Variants in KIF21A observed in about 807,000 individuals in gnomAD.
KIF21A encodes kinesin-like protein KIF21A.
Under a neutral mutation model 202.9 loss-of-function variants are expected in KIF21A, and 114 were observed. The observed-to-expected ratio is 0.56, with a 90% CI of 0.48 to 0.66. KIF21A has a LOEUF of 0.66. Among genes scored for constraint, KIF21A ranks in the 30% least tolerant of loss-of-function variants. The pLI, the probability that KIF21A is intolerant of heterozygous loss-of-function variation, is 0.00. For missense variants in KIF21A, 1,677 were observed against 1,994.9 expected (o/e 0.84, Z 3.04); for synonymous variants, 667 against 670.8 (o/e 0.99, Z 0.09).
chr12:39,366,546 C>T (rs1307399653), intron 5 of KIF21A, 29 bp from the exon 6 acceptor site: 1 of 1,480,694 alleles, frequency 6.8e-7, no homozygotes, highest in Admixed American at 1.8e-5. Context: ...ATTGAAAATA[C>T]TTTATTAATG....
chr12:39,339,956 A>G (rs1947309830), intron 16 of KIF21A, among the ~76,000 whole-genome samples: 1 of 152,218 alleles, frequency 6.6e-6, no homozygotes, highest in South Asian at 2.1e-4. Context: ...AGCCCTGATG[A>G]GCACATGATT....
intron 1 of KIF21A, among the ~76,000 whole-genome samples, chr12:39,382,873 C>T (rs1016349543): frequency 6.6e-6 from 1 of 152,198 alleles, no homozygotes; most frequent in Admixed American, 6.5e-5. Context: ...TTTGCTTCAA[C>T]CTTTTTTTTA....
Position 39,375,250 on chromosome 12 carries a change from A to G in KIF21A, c.45-4989T>C, listed in dbSNP as rs544781274. Among the ~76,000 whole-genome samples, 26 of 152,306 alleles carry G rather than the reference A, an allele frequency of 1.7e-4. No homozygotes were observed. In the South Asian group the frequency reaches 4.3e-3, roughly 25 times the overall value. ...TTTAAAATAAAGTATTTTGGGGGAAAGGCTTATACTTGCTACCTTTTCAAC... is the reference window on the plus strand; with the variant it reads ...TTTAAAATAAAGTATTTTGGGGGAAGGGCTTATACTTGCTACCTTTTCAAC... On this transcript the variant is annotated intron_variant, in intron 1 of 37. Coordinates refer to ENST00000361418, the MANE Select transcript of KIF21A (RefSeq NM_001173464.2).
At chr12:39,332,770 T>C in intron 19 of KIF21A, 26 bp from the exon 20 acceptor site, 1 of 1,613,146 alleles carries the variant, frequency 6.2e-7, no homozygotes, top group Non-Finnish European at 8.5e-7. Flanking sequence ...ACAGACAAGC[T>C]CAATTACTTA....
At chr12:39,338,521 T>G (rs1251195188) in intron 16 of KIF21A, among the ~76,000 whole-genome samples, 1 of 152,246 alleles carries the variant, frequency 6.6e-6, no homozygotes. Flanking sequence ...AGCTATGTCC[T>G]AGGACTTCAC....
chr12:39,421,624 T>G (rs1335854571), intron 1 of KIF21A, among the ~76,000 whole-genome samples: 1 of 151,148 alleles, frequency 6.6e-6, no homozygotes. Flanking sequence ...ACCCAGGAGG[T>G]GGAGGTTGCA....
At position 39,416,826 on chromosome 12, in the gene KIF21A, CATATATGTGTATATATAGATATGTACAT is replaced by C. The variant is rs1566271793; in HGVS notation, c.44+26073_44+26100del. Reference sequence around the variant, plus strand: ...ACATATATATGTGTGTATATATGTACATATATGTGTATATATAGATATGTACATATATATGTGTATATATAGATATGTA... The same window carrying C: ...ACATATATATGTGTGTATATATGTACATATATGTGTATATATAGATATGTA... On this transcript the variant is annotated intron_variant, in intron 1 of 37. Coordinates refer to ENST00000361418, the MANE Select transcript of KIF21A (RefSeq NM_001173464.2). Among the ~76,000 whole-genome samples, 4 of 124,764 alleles carry C rather than the reference CATATATGTGTATATATAGATATGTACAT, an allele frequency of 3.2e-5. No homozygotes were observed. In the South Asian group the frequency reaches 1.1e-3, roughly 36 times the overall value. The allele number at this position is 124,764 out of a possible 152,430, so 81.9% of individuals were successfully genotyped here.
intron 16 of KIF21A, among the ~76,000 whole-genome samples, chr12:39,339,826 C>G (rs550220091): frequency 6.6e-6 from 1 of 152,248 alleles, no homozygotes; most frequent in East Asian, 1.9e-4. Context: ...ATATTTTAAA[C>G]TAGACTGTGG....
chr12:39,343,907 C>T (rs975162609), intron 12 of KIF21A, among the ~76,000 whole-genome samples: 2 of 152,094 alleles, frequency 1.3e-5, no homozygotes, highest in African/African-American at 4.8e-5. Flanking sequence ...TTGAACATGC[C>T]TATGTGTCTC....
chr12:39,333,061 G>C lies in KIF21A; in HGVS notation c.2534C>G (p.Ala845Gly), dbSNP rs770845892. ...ACTCAGCTTCCGAGTAACTTTCCCA[G>C]CCACTTTATCTGACATGGGTCTTAC... Reference protein sequence around the residue: ...RQVRPMSDKVAGKVTRKLSSS... With the variant: ...RQVRPMSDKVGGKVTRKLSSS... The change falls in exon 19 of 38, where the codon GCT (alanine) becomes GGT (glycine). Residue 845 changes from alanine (A) to glycine (G), a missense_variant. Physicochemically the swap from Ala to Gly is moderately conservative, Grantham distance 60. This residue lies in a region of KIF21A where 966 missense variants were observed against 1,180.9 expected (regional missense o/e 0.82). Transcript: ENST00000361418. 5.6e-6 allele frequency: 9 copies of C among 1,613,968 alleles called. No homozygotes were observed. The Admixed American group carries it at 1.5e-4, about 27-fold the overall frequency.
intron 1 of KIF21A, among the ~76,000 whole-genome samples, chr12:39,436,435 TATATATATATATA>T (rs1488433954): frequency 1.7e-5 from 2 of 119,388 alleles, no homozygotes; most frequent in African/African-American, 7.8e-5. Flanking sequence ...TATATATATA[TATATATATATATA>T]TTTTTTTTTT....
rs376955065 is a variant in KIF21A, at chr12:39,358,158, A to G, written c.1215+20T>C. On this transcript the variant is annotated intron_variant, in intron 8 of 37. Transcript: ENST00000361418. ...GCCTTAGATGTATCACAAAATGCAA[A>G]GTCAAACTCATTAGCTTACTGTTTT... 4 of 1,610,664 alleles carry G rather than the reference A, an allele frequency of 2.5e-6. No homozygotes were observed. The highest frequency in any genetic ancestry group is 2.7e-5 in the African/African-American group (2 of 74,844).
chr12:39,307,775 G>A (rs1157294192), intron 33 of KIF21A, 46 bp from the exon 34 acceptor site: 18 of 1,580,012 alleles, frequency 1.1e-5, no homozygotes, highest in Admixed American at 8.4e-5. Context: ...TCTGGACTTG[G>A]GTTTGGCTTA....
At chr12:39,318,283 A>T (rs991849870) in intron 28 of KIF21A, 82 bp from the exon 29 acceptor site, 67 of 1,333,588 alleles carry the variant, frequency 5.0e-5, no homozygotes, top group East Asian at 2.9e-4. Flanking sequence ...ATGCTCTTTT[A>T]AAAAAAAGCT....
At chr12:39,440,182 T>C (rs1939365886) in intron 1 of KIF21A, among the ~76,000 whole-genome samples, 1 of 152,190 alleles carries the variant, frequency 6.6e-6, no homozygotes, top group Admixed American at 6.5e-5. Context: ...AAAATATGAA[T>C]AACCTGTGAA....
rs1947446887 is a variant in KIF21A, at chr12:39,341,558, T to C, written c.1868A>G (p.Asp623Gly). The C allele has an allele frequency of 1.9e-6, 3 of 1,612,382 alleles. No individual in the cohort carries two copies. In the South Asian group the frequency reaches 3.3e-5, roughly 18 times the overall value. The change falls in exon 14 of 38, where the codon GAC (aspartate) becomes GGC (glycine). Residue 623 changes from aspartate to glycine, a missense_variant. Asp to Gly is a moderately conservative substitution (Grantham distance 94, BLOSUM62 -1). Transcript: ENST00000361418. The part of the protein sequence containing the change: ...EEEEEEEEED[D>G]IDGGESSDES... ...ATCAGAACTTTCACCCCCATCAATG[T>C]CATCTTCCTCCTCCTCCTCCTCCTC...
At chr12:39,310,037 A>G (rs1162408313) in intron 32 of KIF21A, among the ~76,000 whole-genome samples, 1 of 152,026 alleles carries the variant, frequency 6.6e-6, no homozygotes, top group African/African-American at 2.4e-5. Context: ...TGAAATGGTC[A>G]TATCAAGAGT....
intron 11 of KIF21A, among the ~76,000 whole-genome samples, chr12:39,349,426 A>C (rs1289195534): frequency 1.3e-5 from 2 of 152,078 alleles, no homozygotes; most frequent in Non-Finnish European, 2.9e-5. Context: ...TCTGACAAAT[A>C]AAATAGATAA....
intron 10 of KIF21A, 62 bp downstream of exon 10, chr12:39,356,767 ATAT>A: frequency 1.3e-6 from 1 of 786,886 alleles, no homozygotes; most frequent in East Asian, 2.5e-5. Flanking sequence ...ACAAACAGAA[ATAT>A]TATAACATTG....
Sources: allele counts gnomAD v4.1 joint callset (sites outside exome capture counted in the v4.1 genomes callset), GRCh38; gene constraint gnomAD v4.1.1; regional missense constraint gnomAD v4.1.1; transcripts MANE v1.5; gene names NCBI Gene and HGNC (gene_info 2026-07-23, HGNC 2026-07-21).